Variants in TMOD2 observed in about 807,000 individuals in gnomAD.
The protein encoded by TMOD2 is tropomodulin 2.
TMOD2 carries 22 observed loss-of-function variants against 39.9 expected under a neutral mutation model. That is an observed-to-expected ratio of 0.55 (90% CI 0.39 to 0.79). TMOD2 has a LOEUF of 0.79. Among genes scored for constraint, TMOD2 ranks in the 30% least tolerant of loss-of-function variants. The pLI, the probability that TMOD2 is intolerant of heterozygous loss-of-function variation, is 0.00. For missense variants in TMOD2, 386 were observed against 413.3 expected (o/e 0.93, Z 0.57); for synonymous variants, 123 against 146.1 (o/e 0.84, Z 1.14).
intron 7 of TMOD2, among the ~76,000 whole-genome samples, chr15:51,790,634 C>T (rs767825767): frequency 3.3e-5 from 5 of 152,190 alleles, no homozygotes; most frequent in Non-Finnish European, 7.3e-5. Context: ...AATCCAGCAG[C>T]ACATCAAAAA....
Position 51,813,693 on chromosome 15 carries a change from CTT to C in TMOD2, c.*5241_*5242del, listed in dbSNP as rs928512232. 5 of 152,154 alleles carry C rather than the reference CTT, an allele frequency of 3.3e-5. No homozygotes were observed. Among genetic ancestry groups the C allele is most frequent in the African/African-American group, 1.2e-4 (5 of 41,428 alleles). 9.4% of individuals were successfully genotyped at this position (152,154 alleles called of 1,614,324 possible). ...GCTCCACACTTCCTTAGCTGGGTAA[CTT>C]TGGGCAAACCGCTTGGTCTCTCAAG... On this transcript the variant is annotated 3_prime_UTR_variant, in exon 10 of 10. Coordinates refer to ENST00000249700, the MANE Select transcript of TMOD2 (RefSeq NM_014548.4).
intron 6 of TMOD2, among the ~76,000 whole-genome samples, 187 bp from the exon 7 acceptor site, chr15:51,782,533 AT>A (rs748002934): frequency 6.6e-6 from 1 of 152,230 alleles, no homozygotes; most frequent in South Asian, 2.1e-4. Context: ...AGATTCCCCT[AT>A]TGGACACTAA....
At chr15:51,781,823 AGT>A (rs57436390) in intron 6 of TMOD2, among the ~76,000 whole-genome samples, 82 of 149,502 alleles carry the variant, frequency 5.5e-4, no homozygotes, top group African/African-American at 1.9e-3. Flanking sequence ...AGAGAGAGAG[AGT>A]GTGTGTGTGT....
chr15:51,803,135 T>A (rs970316210), intron 8 of TMOD2, among the ~76,000 whole-genome samples: 1 of 151,498 alleles, frequency 6.6e-6, no homozygotes, highest in African/African-American at 2.4e-5. Flanking sequence ...TGCTAGCATT[T>A]TGGAACAAAA....
At chr15:51,790,577 A>G (rs774813065) in intron 7 of TMOD2, among the ~76,000 whole-genome samples, 7 of 150,942 alleles carry the variant, frequency 4.6e-5, no homozygotes, top group Non-Finnish European at 8.9e-5. Flanking sequence ...TAAGCCAGTA[A>G]TGATGAACAT....
At chr15:51,751,760 C>G (rs963549229) in intron 1 of TMOD2, 48 bp downstream of exon 1, 1 of 150,850 alleles carries the variant, frequency 6.6e-6, no homozygotes, top group African/African-American at 2.4e-5. Context: ...CAGCCGGTGT[C>G]TGCAGCCCCC....
At chr15:51,762,915 G>A (rs1316084902) in intron 1 of TMOD2, among the ~76,000 whole-genome samples, 1 of 152,006 alleles carries the variant, frequency 6.6e-6, no homozygotes, top group Non-Finnish European at 1.5e-5. Context: ...TCCATTATGT[G>A]GATATACGAC....
intron 1 of TMOD2, among the ~76,000 whole-genome samples, chr15:51,762,126 G>A (rs913777436): frequency 1.6e-4 from 23 of 148,154 alleles, no homozygotes; most frequent in African/African-American, 5.3e-4. Context: ...TCCAGCCTGG[G>A]TGTGAGTGTG....
At position 51,768,460 on chromosome 15, in the gene TMOD2, C is replaced by CTTTTTT. The variant is rs61348403; in HGVS notation, c.283+49_283+54dup. On this transcript the variant is annotated intron_variant, in intron 3 of 9. Transcript: ENST00000249700. ...GAGCATCTTGGAACAGAGGTTCTCT[C>CTTTTTT]TTTTTTTTTTTTGGAACGGAGGCAC... 19 of 1,352,240 alleles carry CTTTTTT rather than the reference C, an allele frequency of 1.4e-5. No individual in the cohort carries two copies. In the Admixed American group the frequency reaches 3.4e-4, roughly 24 times the overall value. The allele number at this position is 1,352,240 out of a possible 1,614,324, so 83.8% of individuals were successfully genotyped here.
At chr15:51,786,292 T>C (rs1456717998) in intron 7 of TMOD2, among the ~76,000 whole-genome samples, 1 of 152,124 alleles carries the variant, frequency 6.6e-6, no homozygotes, top group Admixed American at 6.6e-5. Flanking sequence ...GTTGTCACTG[T>C]GCCTGGGTGA....
chr15:51,769,116 A>G (rs538520110), intron 3 of TMOD2, among the ~76,000 whole-genome samples: 1 of 152,344 alleles, frequency 6.6e-6, no homozygotes, highest in South Asian at 2.1e-4. Flanking sequence ...TGAAAGAAAA[A>G]AGAAACACGA....
intron 7 of TMOD2, among the ~76,000 whole-genome samples, chr15:51,792,246 A>G (rs1233037597): frequency 1.3e-5 from 2 of 152,270 alleles, no homozygotes; most frequent in African/African-American, 2.4e-5. Flanking sequence ...TATGCAGCCA[A>G]CAGACATATG....
At chr15:51,773,900 A>T in intron 4 of TMOD2, 66 bp downstream of exon 4, 1 of 1,523,550 alleles carries the variant, frequency 6.6e-7, no homozygotes, top group Non-Finnish European at 8.8e-7. Context: ...ACTGGCACCC[A>T]TGGCAGCAGG....
chr15:51,779,664 T>C (rs564024536), intron 5 of TMOD2, among the ~76,000 whole-genome samples: 3 of 151,782 alleles, frequency 2.0e-5, no homozygotes, highest in African/African-American at 7.3e-5. Context: ...ATAACTTTTT[T>C]AATGGATAGA....
At chr15:51,779,454 C>T (rs2055914577) in intron 5 of TMOD2, among the ~76,000 whole-genome samples, 1 of 151,730 alleles carries the variant, frequency 6.6e-6, no homozygotes, top group African/African-American at 2.4e-5. Context: ...GATCTCAGCT[C>T]ACTGCAAGCT....
At position 51,808,462 on chromosome 15, in the gene TMOD2, T is replaced by C. The variant is rs1567250178; in HGVS notation, c.*8T>C. The stretch of plus-strand genomic sequence containing the variant: ...GAAGCAGACCGAAGGTAAACTTCCT[T>C]GAGGAGAAGTGAAGTTTCACTGTGG... On this transcript the variant is annotated 3_prime_UTR_variant, in exon 10 of 10. Coordinates refer to ENST00000249700, the MANE Select transcript of TMOD2 (RefSeq NM_014548.4). The C allele has an allele frequency of 6.2e-7, 1 of 1,611,618 alleles. No individual in the cohort carries two copies. The highest frequency in any genetic ancestry group is 1.1e-5 in the South Asian group (1 of 90,686).
At chr15:51,798,089 T>G in intron 7 of TMOD2, 108 bp from the exon 8 acceptor site, 1 of 940,158 alleles carries the variant, frequency 1.1e-6, no homozygotes, top group South Asian at 1.9e-5. Flanking sequence ...AAGGTTTTCT[T>G]TAAGTGCTAG....
chr15:51,797,881 C>CAA (rs199742341), intron 7 of TMOD2, among the ~76,000 whole-genome samples: 6 of 106,628 alleles, frequency 5.6e-5, no homozygotes, highest in African/African-American at 1.4e-4. Flanking sequence ...TGTGTTTTCT[C>CAA]AAAAAAAAAA....
At chr15:51,765,873 C>T (rs941662281) in intron 1 of TMOD2, among the ~76,000 whole-genome samples, 6 of 152,206 alleles carry the variant, frequency 3.9e-5, no homozygotes, top group Admixed American at 1.3e-4. Flanking sequence ...TCCAAACTCT[C>T]GTTCCTGAAT....
Sources: gnomAD v4.1 joint callset for allele counts (sites outside exome capture counted in the v4.1 genomes callset) on GRCh38, gnomAD v4.1.1 for gene constraint, MANE v1.5 for transcripts, NCBI Gene and HGNC (gene_info 2026-07-23, HGNC 2026-07-21) for gene names.